The following GALNT2 variants were observed in gnomAD, a reference collection of about 807,000 sequenced individuals.
The protein encoded by GALNT2 is polypeptide N-acetylgalactosaminyltransferase 2, also known as UDP-GalNAc:polypeptide N-acetylgalactosaminyltransferase 2.
A neutral mutation model predicts 81.4 loss-of-function variants in GALNT2; 31 were observed. That is an observed-to-expected ratio of 0.38 (90% CI 0.29 to 0.51). GALNT2 has a LOEUF of 0.51. Among genes scored for constraint, GALNT2 ranks in the 20% least tolerant of loss-of-function variants. The pLI, the probability that GALNT2 is intolerant of heterozygous loss-of-function variation, is 0.87. For missense variants in GALNT2, 629 were observed against 765.7 expected (o/e 0.82, Z 2.11); for synonymous variants, 303 against 287.4 (o/e 1.05, Z -0.55).
At chr1:230,066,942 C>T (rs925700295), upstream of GALNT2, among the ~76,000 whole-genome samples, 6 of 150,402 alleles carry the variant, frequency 4.0e-5, no homozygotes, top group African/African-American at 1.2e-4. Flanking sequence ...CACGGCGGAG[C>T]CCGGCGTGCT....
rs960419276 is a variant in GALNT2 at position 230,280,875 on chromosome 1, A to C, written c.*1417A>C. On this transcript the variant is annotated 3_prime_UTR_variant, in exon 16 of 16. Transcript: ENST00000366672. ...AAACCACAGACAGTTATGAACTGAA[A>C]GTCATAACGGGGAGAGGTGCCTGGC... 4 of 152,246 alleles carry C rather than the reference A, an allele frequency of 2.6e-5. No individual in the cohort carries two copies. The highest frequency in any genetic ancestry group is 6.5e-5 in the Admixed American group (1 of 15,288). 9.4% of individuals were successfully genotyped at this position (152,246 alleles called of 1,614,324 possible). A position where few individuals can be genotyped will look rare whatever the true frequency, so the allele number is the denominator to read the frequency against.
intron 11 of GALNT2, chr1:230,262,193 C>T (rs772261706): frequency 4.9e-5 from 9 of 185,374 alleles, no homozygotes; most frequent in Non-Finnish European, 8.9e-5. Flanking sequence ...TCTGTGGCCC[C>T]GGCCCTCTGT....
intron 2 of GALNT2, among the ~76,000 whole-genome samples, chr1:230,182,703 T>C (rs1663198411): frequency 1.3e-5 from 2 of 152,246 alleles, no homozygotes; most frequent in Admixed American, 1.3e-4. Context: ...ATGTGTACTC[T>C]GCTGTTTTTG....
At chr1:230,072,563 G>A (rs1282464801) in intron 1 of GALNT2, among the ~76,000 whole-genome samples, 1 of 152,182 alleles carries the variant, frequency 6.6e-6, no homozygotes, top group Admixed American at 6.5e-5. Flanking sequence ...CTCCCTGTTG[G>A]TTTTTGTGCT....
At position 230,103,438 on chromosome 1, in the gene GALNT2, C is replaced by T. The variant is rs563841879; in HGVS notation, c.126+36032C>T. Among the ~76,000 whole-genome samples, 295 of 152,308 alleles carry T rather than the reference C, an allele frequency of 1.9e-3. 2 individuals carry two copies. The highest frequency in any genetic ancestry group is 6.7e-3 in the African/African-American group (279 of 41,566). On this transcript the variant is annotated intron_variant, in intron 1 of 15. Coordinates refer to ENST00000366672, the MANE Select transcript of GALNT2 (RefSeq NM_004481.5). ...CACCCAGATGCCTTCCTGCAGCAGC[C>T]CCCCTTTTCTCCCCAGCCAACATCT... is the stretch of plus-strand genomic sequence containing the variant.
At chr1:230,191,966 C>T (rs1176646970) in intron 2 of GALNT2, among the ~76,000 whole-genome samples, 1 of 152,238 alleles carries the variant, frequency 6.6e-6, no homozygotes, top group Non-Finnish European at 1.5e-5. Context: ...GATTTTCACA[C>T]CTGGAGAGAT....
intron 1 of GALNT2, among the ~76,000 whole-genome samples, chr1:230,099,994 C>G (rs1486185342): frequency 6.6e-6 from 1 of 152,170 alleles, no homozygotes; most frequent in Non-Finnish European, 1.5e-5. Flanking sequence ...CAACCAAGAC[C>G]TAGGCTCCTT....
chr1:230,269,238 T>C (rs984785046), intron 14 of GALNT2, among the ~76,000 whole-genome samples: 26 of 140,648 alleles, frequency 1.8e-4, no homozygotes, highest in Non-Finnish European at 3.3e-4. Flanking sequence ...CAGGCTGGAG[T>C]GCAGTGGTGC....
At chr1:230,256,731 A>G (rs1482117901) in intron 11 of GALNT2, among the ~76,000 whole-genome samples, 2 of 152,214 alleles carry the variant, frequency 1.3e-5, no homozygotes, top group Non-Finnish European at 2.9e-5. Context: ...CTTACATGCT[A>G]AAGATAGAAC....
At chr1:230,069,560 A>G (rs1451111401) in intron 1 of GALNT2, among the ~76,000 whole-genome samples, 1 of 152,188 alleles carries the variant, frequency 6.6e-6, no homozygotes, top group African/African-American at 2.4e-5. Context: ...AGAAGCCTTA[A>G]GATGGTTTCT....
chr1:230,198,355 A>G (rs939147377), intron 2 of GALNT2, among the ~76,000 whole-genome samples: 8 of 151,400 alleles, frequency 5.3e-5, no homozygotes, highest in Non-Finnish European at 7.4e-5. Flanking sequence ...TGGCAGGGGC[A>G]GGACCAGCAG....
At chr1:230,277,957 A>C (rs1460921293) in intron 15 of GALNT2, among the ~76,000 whole-genome samples, 2 of 152,212 alleles carry the variant, frequency 1.3e-5, no homozygotes, top group Non-Finnish European at 2.9e-5. Flanking sequence ...AAAAATACTT[A>C]GGTGAAGGAG....
chr1:230,261,515 A>G (rs1558166900), intron 11 of GALNT2, among the ~76,000 whole-genome samples: 2 of 152,240 alleles, frequency 1.3e-5, no homozygotes, highest in African/African-American at 4.8e-5. Context: ...CGAGACCAGA[A>G]TATGGGAGCA....
intron 14 of GALNT2, among the ~76,000 whole-genome samples, chr1:230,270,749 C>T (rs1222301720): frequency 2.0e-5 from 3 of 152,130 alleles, no homozygotes; most frequent in Admixed American, 6.5e-5. Flanking sequence ...ATCTGGTTTC[C>T]GGCTGAGCCT....
chr1:230,254,112 T>C (rs1378020169), intron 10 of GALNT2, among the ~76,000 whole-genome samples: 2 of 152,240 alleles, frequency 1.3e-5, no homozygotes, highest in Non-Finnish European at 2.9e-5. Flanking sequence ...AACTGTTTTT[T>C]GCCTTTCAGA....
intron 11 of GALNT2, 38 bp downstream of exon 11, chr1:230,255,382 A>C (rs906200670): frequency 6.2e-7 from 1 of 1,613,240 alleles, no homozygotes; most frequent in African/African-American, 1.3e-5. Context: ...CAAAACATTG[A>C]TGACTACCCT....
At chr1:230,123,026 G>T (rs952266898) in intron 1 of GALNT2, among the ~76,000 whole-genome samples, 1 of 152,204 alleles carries the variant, frequency 6.6e-6, no homozygotes, top group African/African-American at 2.4e-5. Context: ...AAGGCTGGTT[G>T]TAATAGTCTA....
intron 1 of GALNT2, among the ~76,000 whole-genome samples, chr1:230,088,672 G>A (rs1402544194): frequency 1.3e-5 from 2 of 151,874 alleles, no homozygotes; most frequent in African/African-American, 2.4e-5. Context: ...CAAGTGGCTG[G>A]GACTATAGGG....
At chr1:230,187,706 G>T (rs1663379903) in intron 2 of GALNT2, among the ~76,000 whole-genome samples, 1 of 152,192 alleles carries the variant, frequency 6.6e-6, no homozygotes, top group South Asian at 2.1e-4. Flanking sequence ...GGTGAATGTG[G>T]AGGACTTTAT....
Sources: allele counts gnomAD v4.1 joint callset (sites outside exome capture counted in the v4.1 genomes callset), GRCh38; gene constraint gnomAD v4.1.1; transcripts MANE v1.5; gene names NCBI Gene and HGNC (gene_info 2026-07-23, HGNC 2026-07-21).